The following MCF2L2 variants were observed in gnomAD, a reference collection of about 807,000 sequenced individuals.
MCF2L2 encodes the protein MCF.2 cell line derived transforming sequence-like 2.
A neutral mutation model predicts 150.2 loss-of-function variants in MCF2L2; 102 were observed. The ratio of observed to expected loss-of-function variants is 0.68; its 90% CI spans 0.58 to 0.80. MCF2L2 has a LOEUF of 0.80. MCF2L2 is among the 30% of genes least tolerant of loss of function. The pLI is 0.00. For missense variants in MCF2L2, 1,256 were observed against 1,372.8 expected (o/e 0.91, Z 1.34); for synonymous variants, 465 against 491.3 (o/e 0.95, Z 0.71).
intron 4 of MCF2L2, among the ~76,000 whole-genome samples, chr3:183,339,847 C>T (rs1323019885): frequency 6.6e-6 from 1 of 152,056 alleles, no homozygotes; most frequent in Non-Finnish European, 1.5e-5. Flanking sequence ...GTATTTTCAA[C>T]GAGCACCTGA....
chr3:183,242,077 G>A (rs926065021), intron 15 of MCF2L2, among the ~76,000 whole-genome samples: 1 of 152,208 alleles, frequency 6.6e-6, no homozygotes, highest in East Asian at 1.9e-4. Flanking sequence ...CTTCTAAGCA[G>A]CAAAGCATTC....
chr3:183,248,153 C>G (rs1388032914), intron 15 of MCF2L2, among the ~76,000 whole-genome samples: 2 of 152,066 alleles, frequency 1.3e-5, no homozygotes, highest in Non-Finnish European at 2.9e-5. Context: ...AAATATGATG[C>G]AAACATCTCT....
intron 2 of MCF2L2, among the ~76,000 whole-genome samples, chr3:183,382,602 C>T (rs1713597744): frequency 6.6e-6 from 1 of 152,020 alleles, no homozygotes; most frequent in Non-Finnish European, 1.5e-5. Context: ...TGAGGAAACG[C>T]GGTAATGCAA....
intron 5 of MCF2L2, among the ~76,000 whole-genome samples, chr3:183,324,794 C>G (rs1227107926): frequency 6.6e-6 from 1 of 151,988 alleles, no homozygotes; most frequent in African/African-American, 2.4e-5. Flanking sequence ...AACTGATTTA[C>G]TCTTTCAACA....
chr3:183,215,072 C>T (rs1722866066), intron 22 of MCF2L2, among the ~76,000 whole-genome samples: 1 of 152,098 alleles, frequency 6.6e-6, no homozygotes, highest in Non-Finnish European at 1.5e-5. Flanking sequence ...CTCATAGAAG[C>T]CATGAGCCAT....
At chr3:183,414,154 G>A (rs547360328) in intron 1 of MCF2L2, among the ~76,000 whole-genome samples, 2 of 152,266 alleles carry the variant, frequency 1.3e-5, no homozygotes, top group East Asian at 1.9e-4. Flanking sequence ...CAATTGGTAC[G>A]AATTCTTCTT....
intron 2 of MCF2L2, among the ~76,000 whole-genome samples, chr3:183,384,542 G>A (rs149296520): frequency 6.6e-6 from 1 of 151,854 alleles, no homozygotes; most frequent in African/African-American, 2.4e-5. Flanking sequence ...GTGGCCCCCC[G>A]CCCAGGAACT....
intron 1 of MCF2L2, among the ~76,000 whole-genome samples, chr3:183,423,126 T>C (rs866338641): frequency 9.2e-5 from 14 of 152,280 alleles, no homozygotes; most frequent in Non-Finnish European, 1.3e-4. Context: ...AGCCCAAATA[T>C]AGTCAGATGG....
At chr3:183,265,331 T>G (rs1176851393) in intron 15 of MCF2L2, 1 of 152,300 alleles carries the variant, frequency 6.6e-6, no homozygotes, top group Non-Finnish European at 1.5e-5. Flanking sequence ...TGTGGATGGT[T>G]GCTGAGCTGC....
Position 183,317,932 on chromosome 3 carries a change from TG to T in MCF2L2, c.753+135del, listed in dbSNP as rs1285089944. Reference sequence around the variant, plus strand: ...AACTGCCTGTCTGGAAGGTTTAAGATGATCAGTGGCTTCCAAGTCACTAAAG... The same window carrying T: ...AACTGCCTGTCTGGAAGGTTTAAGATATCAGTGGCTTCCAAGTCACTAAAG... On this transcript the variant is annotated intron_variant, in intron 7 of 29. Transcript: ENST00000328913. 5 of 1,088,210 alleles carry T rather than the reference TG, an allele frequency of 4.6e-6. No individual in the cohort carries two copies. The African/African-American group carries it at 7.9e-5, about 17-fold the overall frequency. The allele number at this position is 1,088,210 out of a possible 1,614,324, so 67.4% of individuals were successfully genotyped here.
chr3:183,179,964 G>T lies in MCF2L2; in HGVS notation c.3105+107C>A. 2.1e-6 allele frequency: 2 copies of T among 956,640 alleles called. No homozygotes were observed. Among genetic ancestry groups the T allele is most frequent in the African/African-American group, 1.6e-5 (1 of 62,042 alleles). 59.3% of individuals were successfully genotyped at this position (956,640 alleles called of 1,614,324 possible). ...GGCTTAACCAGGTCCTTATGGGTGAGAATCCTGAGGAGGGGGAGAGGGATG... is the reference window on the plus strand; with the variant it reads ...GGCTTAACCAGGTCCTTATGGGTGATAATCCTGAGGAGGGGGAGAGGGATG... On this transcript the variant is annotated intron_variant, in intron 28 of 29. Transcript: ENST00000328913. This position sits in a 1 kb window ranked among gnomAD's most constrained non-coding sequence, Gnocchi z 4.2.
chr3:183,300,662 G>A (rs534160466), intron 10 of MCF2L2, among the ~76,000 whole-genome samples: 77 of 152,246 alleles, frequency 5.1e-4, no homozygotes, highest in African/African-American at 1.8e-3. Flanking sequence ...GTGAGCTGAA[G>A]TTGAAACACT....
chr3:183,392,977 A>G lies in MCF2L2; in HGVS notation c.77-3198T>C, dbSNP rs529388636. 3.3e-5 allele frequency among the ~76,000 whole-genome samples: 5 copies of G among 152,266 alleles called. No individual in the cohort carries two copies. The South Asian group carries it at 1.0e-3, about 32-fold the overall frequency. On this transcript the variant is annotated intron_variant, in intron 1 of 29. Coordinates refer to ENST00000328913, the MANE Select transcript of MCF2L2 (RefSeq NM_015078.4). ...CTTGCATGCAAAGGCCCTTTCTGCCACCTTCTAGATAGGTGATCAGGGCAA... is the reference window on the plus strand; with the variant it reads ...CTTGCATGCAAAGGCCCTTTCTGCCGCCTTCTAGATAGGTGATCAGGGCAA...
In MCF2L2 at chr3:183,289,801, A is replaced by G. The variant is rs546615356; in HGVS notation, c.1676-581T>C. On this transcript the variant is annotated intron_variant, in intron 13 of 29. Transcript: ENST00000328913. The stretch of plus-strand genomic sequence containing the variant: ...AACCTGGGAGGCGGAGGTTGCGGTG[A>G]GCTGAGATTGCGCCACTGCACTCCA... Among the ~76,000 whole-genome samples the G allele has an allele frequency of 7.9e-5, 12 of 152,356 alleles. No individual in the cohort carries two copies. The South Asian group carries it at 1.4e-3, about 18-fold the overall frequency.
In MCF2L2 at chr3:183,197,076, T is replaced by TA. The variant is rs1340434388; in HGVS notation, c.2885-1822dup. Among the ~76,000 whole-genome samples, 1 of 152,224 alleles carries TA rather than the reference T, an allele frequency of 6.6e-6. No homozygotes were observed. Among genetic ancestry groups the TA allele is most frequent in the East Asian group, 1.9e-4 (1 of 5,198 alleles). ...ACCAAATTGTTCTAGAGATTTTACA[T>TA]AATCCTAATCAAAATCTCAATAAGG... On this transcript the variant is annotated intron_variant, in intron 25 of 29. Transcript: ENST00000328913. This position sits in a 1 kb window ranked among gnomAD's most constrained non-coding sequence, Gnocchi z 4.5.
chr3:183,381,730 C>A (rs1198953686), intron 2 of MCF2L2, among the ~76,000 whole-genome samples: 1 of 151,798 alleles, frequency 6.6e-6, no homozygotes, highest in Non-Finnish European at 1.5e-5. Context: ...TATGTTTACT[C>A]TAAATTTCCA....
At chr3:183,334,753 A>AT (rs1425368896) in intron 5 of MCF2L2, among the ~76,000 whole-genome samples, 7 of 145,380 alleles carry the variant, frequency 4.8e-5, no homozygotes, top group African/African-American at 1.8e-4. Context: ...AGATTGCGCC[A>AT]TTGCACTCCA....
chr3:183,335,472 T>C (rs1398076634), intron 5 of MCF2L2, among the ~76,000 whole-genome samples: 2 of 152,148 alleles, frequency 1.3e-5, no homozygotes, highest in Non-Finnish European at 2.9e-5. Context: ...AATTCATATG[T>C]TGAAACCTAG....
intron 1 of MCF2L2, among the ~76,000 whole-genome samples, chr3:183,392,142 G>A (rs1008545484): frequency 1.3e-5 from 2 of 152,180 alleles, no homozygotes; most frequent in Non-Finnish European, 2.9e-5. Context: ...TATTTGAGGT[G>A]TGCTTTAAAT....
Sources: gnomAD v4.1 joint callset for allele counts (sites outside exome capture counted in the v4.1 genomes callset) on GRCh38, gnomAD v4.1.1 for gene constraint, Gnocchi (gnomAD v3.1) non-coding constraint, MANE v1.5 for transcripts, NCBI Gene and HGNC (gene_info 2026-07-23, HGNC 2026-07-21) for gene names.